The following SPAG16 variants were observed in gnomAD, a reference collection of about 807,000 sequenced individuals.
The protein encoded by SPAG16 is sperm-associated antigen 16 protein.
Under a neutral mutation model 80.4 loss-of-function variants are expected in SPAG16, and 86 were observed. The ratio of observed to expected loss-of-function variants is 1.07; its 90% CI spans 0.90 to 1.28. The LOEUF is 1.28. SPAG16 is among the 50% of genes most tolerant of loss of function. SPAG16 has a pLI of 0.00. For missense variants in SPAG16, 870 were observed against 765.3 expected, an observed-to-expected ratio of 1.14 and a Z score of -1.61; for synonymous variants, 294 against 265.9, an observed-to-expected ratio of 1.11 and a Z score of -1.03.
intron 12 of SPAG16, among the ~76,000 whole-genome samples, chr2:213,973,216 G>A (rs765993728): frequency 1.1e-4 from 17 of 152,084 alleles, no homozygotes; most frequent in Non-Finnish European, 2.2e-4. Flanking sequence ...GTATATACAG[G>A]CACTTTTGAG....
At chr2:213,834,133 A>G (rs1434314791) in intron 10 of SPAG16, among the ~76,000 whole-genome samples, 1 of 152,152 alleles carries the variant, frequency 6.6e-6, no homozygotes, top group African/African-American at 2.4e-5. Flanking sequence ...CCACGTAGAA[A>G]GTGCCTTTCA....
intron 15 of SPAG16, among the ~76,000 whole-genome samples, chr2:214,189,881 A>G (rs2057601949): frequency 6.6e-6 from 1 of 152,098 alleles, no homozygotes; most frequent in Admixed American, 6.6e-5. Context: ...AAAATTATCA[A>G]CAATCCCCTT....
intron 11 of SPAG16, among the ~76,000 whole-genome samples, chr2:213,920,468 G>C (rs1229935601): frequency 6.6e-6 from 1 of 152,230 alleles, no homozygotes; most frequent in Non-Finnish European, 1.5e-5. Context: ...TGTTGGCAAT[G>C]TGATATATGT....
chr2:214,004,827 T>C (rs2046956333), intron 12 of SPAG16, among the ~76,000 whole-genome samples: 1 of 152,074 alleles, frequency 6.6e-6, no homozygotes, highest in Non-Finnish European at 1.5e-5. Context: ...GCATGAGACC[T>C]AGTCAGGGAG....
intron 11 of SPAG16, among the ~76,000 whole-genome samples, chr2:213,902,196 C>T (rs1276456489): frequency 6.6e-6 from 1 of 151,992 alleles, no homozygotes; most frequent in Non-Finnish European, 1.5e-5. Flanking sequence ...TGTGGATATA[C>T]CAAAGAATAA....
intron 10 of SPAG16, among the ~76,000 whole-genome samples, chr2:213,658,226 C>T (rs2063291942): frequency 6.6e-6 from 1 of 152,122 alleles, no homozygotes; most frequent in Non-Finnish European, 1.5e-5. Context: ...GTTCTTCTCT[C>T]ACTGGCTGGT....
intron 10 of SPAG16, among the ~76,000 whole-genome samples, chr2:213,638,482 T>A (rs1166013732): frequency 2.0e-5 from 3 of 152,176 alleles, no homozygotes; most frequent in African/African-American, 4.8e-5. Flanking sequence ...TTAATTTCCA[T>A]CTTGATTTCA....
At chr2:214,175,620 G>A (rs372395045) in intron 15 of SPAG16, among the ~76,000 whole-genome samples, 9 of 151,326 alleles carry the variant, frequency 5.9e-5, no homozygotes, top group East Asian at 5.8e-4. Flanking sequence ...AAACAAAAAA[G>A]AGCAATGTCA....
chr2:214,009,442 A>T (rs2047183013), intron 12 of SPAG16, among the ~76,000 whole-genome samples: 1 of 152,220 alleles, frequency 6.6e-6, no homozygotes, highest in African/African-American at 2.4e-5. Flanking sequence ...CAATGCCAGT[A>T]AAAATTTACT....
intron 14 of SPAG16, among the ~76,000 whole-genome samples, chr2:214,133,105 AT>A (rs34891230): frequency 0.37 from 49,213 of 134,452 alleles, 8,572 homozygotes; most frequent in Middle Eastern, 0.44. Flanking sequence ...ATAAAATAAA[AT>A]AAAAAAAATA....
At chr2:214,120,459 T>C (rs2054162712) in intron 14 of SPAG16, among the ~76,000 whole-genome samples, 3 of 151,888 alleles carry the variant, frequency 2.0e-5, no homozygotes, top group South Asian at 2.1e-4. Context: ...CTATAATTTC[T>C]ATAAATTTTG....
chr2:214,261,271 ATCACATACCGTTCAC>A (rs1385386458), intron 15 of SPAG16, among the ~76,000 whole-genome samples: 1 of 151,070 alleles, frequency 6.6e-6, no homozygotes, highest in African/African-American at 2.4e-5. Flanking sequence ...CCACGATACC[ATCACATACCGTTCAC>A]TCACACAGAG....
At chr2:213,681,633 A>G (rs936090997) in intron 10 of SPAG16, among the ~76,000 whole-genome samples, 2 of 152,212 alleles carry the variant, frequency 1.3e-5, no homozygotes, top group African/African-American at 2.4e-5. Context: ...GTGGAGACAC[A>G]TAACAAAACA....
In SPAG16 at chr2:214,355,016, G is replaced by T. The variant is rs545724486; in HGVS notation, c.1721-55124G>T. ...TTCCTTCTCCTGCCTAATTGCCCTG[G>T]CCAGAACTTCAGATTAAAGACTTAA... On this transcript the variant is annotated intron_variant, in intron 15 of 15. Transcript: ENST00000331683. Among the ~76,000 whole-genome samples, 10 of 152,062 alleles carry T rather than the reference G, an allele frequency of 6.6e-5. No homozygotes were observed. In the South Asian group the frequency reaches 2.1e-3, roughly 32 times the overall value.
At chr2:214,256,705 C>T (rs1290939139) in intron 15 of SPAG16, among the ~76,000 whole-genome samples, 1 of 151,826 alleles carries the variant, frequency 6.6e-6, no homozygotes. Context: ...TCCTTTGGTG[C>T]CTTTATTAAA....
chr2:213,426,471 A>G (rs2069921311), intron 9 of SPAG16, among the ~76,000 whole-genome samples: 1 of 151,650 alleles, frequency 6.6e-6, no homozygotes, highest in Admixed American at 6.6e-5. Context: ...TTGCAATCTA[A>G]TGATTCTTTT....
intron 15 of SPAG16, among the ~76,000 whole-genome samples, chr2:214,382,386 C>G (rs766893720): frequency 6.6e-6 from 1 of 152,168 alleles, no homozygotes; most frequent in Non-Finnish European, 1.5e-5. Context: ...CAAAATAGAA[C>G]CTACATTTTT....
intron 15 of SPAG16, among the ~76,000 whole-genome samples, chr2:214,291,952 AT>A (rs1457662184): frequency 6.6e-6 from 1 of 152,206 alleles, no homozygotes; most frequent in East Asian, 1.9e-4. Context: ...GTGAAGGGCC[AT>A]CAGTGTTTGC....
chr2:213,553,340 G>A (rs139705514), intron 10 of SPAG16, among the ~76,000 whole-genome samples: 14 of 152,222 alleles, frequency 9.2e-5, no homozygotes, highest in Non-Finnish European at 2.1e-4. Flanking sequence ...GGTAAGAACA[G>A]CATACCCAAG....
Sources: gnomAD v4.1 joint callset for allele counts (sites outside exome capture counted in the v4.1 genomes callset) on GRCh38, gnomAD v4.1.1 for gene constraint, MANE v1.5 for transcripts, NCBI Gene and HGNC (gene_info 2026-07-23, HGNC 2026-07-21) for gene names.